Variants in PPP4R4 observed in about 807,000 individuals in gnomAD.
The protein encoded by PPP4R4 is serine/threonine-protein phosphatase 4 regulatory subunit 4.
Under a neutral mutation model 121.8 loss-of-function variants are expected in PPP4R4, and 70 were observed. The observed-to-expected ratio is 0.57, with a 90% CI of 0.47 to 0.70. The LOEUF is 0.70. PPP4R4 is among the 30% of genes least tolerant of loss of function. PPP4R4 has a pLI of 0.00. For missense variants in PPP4R4, 875 were observed against 1,033.6 expected, an observed-to-expected ratio of 0.85 and a Z score of 2.10; for synonymous variants, 348 against 355.7, an observed-to-expected ratio of 0.98 and a Z score of 0.24.
intron 2 of PPP4R4, among the ~76,000 whole-genome samples, chr14:94,186,366 T>G (rs949707454): frequency 6.6e-6 from 1 of 152,222 alleles, no homozygotes; most frequent in Non-Finnish European, 1.5e-5. Flanking sequence ...TACAGTCTAC[T>G]CTTTTGTCTG....
chr14:94,264,695 A>G (rs545431186), intron 19 of PPP4R4, among the ~76,000 whole-genome samples, 183 bp from the exon 20 acceptor site: 1 of 152,344 alleles, frequency 6.6e-6, no homozygotes, highest in Admixed American at 6.5e-5. Flanking sequence ...ATAATTCTGT[A>G]GATATGAAAA....
chr14:94,254,201 G>A (rs1384162319), intron 16 of PPP4R4, among the ~76,000 whole-genome samples: 1 of 152,188 alleles, frequency 6.6e-6, no homozygotes, highest in Non-Finnish European at 1.5e-5. Context: ...GATGGCTTGG[G>A]TAGCTTCTGC....
At position 94,246,413 on chromosome 14, in the gene PPP4R4, A is replaced by G; in HGVS notation, c.1485A>G (p.Ala495=). 1.9e-6 allele frequency: 3 copies of G among 1,614,118 alleles called. No individual in the cohort carries two copies. The highest frequency in any genetic ancestry group is 2.5e-6 in the Non-Finnish European group (3 of 1,179,980). Residue 495 remains alanine (A), a synonymous_variant, in exon 14 of 25, where the codon GCA becomes GCG. Transcript: ENST00000304338. ...PALTAAEQRA[A]ASLKWRTHEK... The stretch of plus-strand genomic sequence containing the variant: ...TCACAGCTGCTGAACAGCGAGCTGC[A>G]GCCTCTTTAAAATGGAGAACTCATG...
chr14:94,258,873 T>C (rs1367813022), intron 18 of PPP4R4, 49 bp downstream of exon 18: 4 of 1,474,918 alleles, frequency 2.7e-6, no homozygotes, highest in Admixed American at 1.8e-5. Flanking sequence ...TTCATGCTGC[T>C]GAAAAAGACA....
intron 3 of PPP4R4, among the ~76,000 whole-genome samples, chr14:94,212,683 C>T (rs879897231): frequency 6.6e-6 from 1 of 151,892 alleles, no homozygotes; most frequent in Non-Finnish European, 1.5e-5. Context: ...AATTCTTTTT[C>T]CACAGTATAT....
At chr14:94,255,827 C>G (rs893222666) in intron 16 of PPP4R4, among the ~76,000 whole-genome samples, 1 of 152,160 alleles carries the variant, frequency 6.6e-6, no homozygotes, top group Non-Finnish European at 1.5e-5. Context: ...GAAAACCTAC[C>G]AATGGCTTCT....
chr14:94,220,696 A>G (rs1891339154), intron 3 of PPP4R4, among the ~76,000 whole-genome samples: 1 of 152,230 alleles, frequency 6.6e-6, no homozygotes, highest in Non-Finnish European at 1.5e-5. Flanking sequence ...CATAAGATCT[A>G]TAAACTGAAA....
intron 2 of PPP4R4, among the ~76,000 whole-genome samples, chr14:94,206,081 C>A (rs375731773): frequency 4.6e-5 from 7 of 151,790 alleles, no homozygotes; most frequent in Admixed American, 2.0e-4. Flanking sequence ...TCCAGCTGCA[C>A]CTGTGTATTT....
chr14:94,184,170 T>G (rs866619302), intron 2 of PPP4R4, among the ~76,000 whole-genome samples: 2 of 152,292 alleles, frequency 1.3e-5, no homozygotes, highest in African/African-American at 4.8e-5. Context: ...TACTGCTTGG[T>G]TCCCAGTCTT....
chr14:94,174,571 C>T lies in PPP4R4; in HGVS notation c.106C>T (p.Arg36Trp). Residue 36 changes from arginine (R) to tryptophan (W), a missense_variant, in exon 1 of 25, where the codon CGG becomes TGG. Transcript: ENST00000304338. Reference sequence around the variant, plus strand: ...CACCATCATCGAGAGGCCGGTCCGCCGGAGCCTCAAGGTGCGCCCCGGGGA... The same window carrying T: ...CACCATCATCGAGAGGCCGGTCCGCTGGAGCCTCAAGGTGCGCCCCGGGGA... ...ELTIIERPVRRSLKTPEEIER... is the reference protein window; with the variant it reads ...ELTIIERPVRWSLKTPEEIER... 1 of 1,611,656 alleles carries T rather than the reference C, an allele frequency of 6.2e-7. No homozygotes were observed.
intron 3 of PPP4R4, among the ~76,000 whole-genome samples, chr14:94,216,529 A>T (rs80061650): frequency 1.3e-5 from 2 of 152,196 alleles, no homozygotes; most frequent in African/African-American, 4.8e-5. Flanking sequence ...GCTCTTTTCC[A>T]TACGTTTCCA....
At chr14:94,177,900 C>T (rs142116160) in intron 2 of PPP4R4, among the ~76,000 whole-genome samples, 14 of 152,296 alleles carry the variant, frequency 9.2e-5, no homozygotes, top group African/African-American at 3.4e-4. Flanking sequence ...TCAATATCTC[C>T]TTTAGTTTCT....
intron 3 of PPP4R4, among the ~76,000 whole-genome samples, chr14:94,221,832 A>C (rs540367109): frequency 6.6e-6 from 1 of 152,202 alleles, no homozygotes; most frequent in South Asian, 2.1e-4. Context: ...TATATTACTC[A>C]GCTATTTAAT....
rs1894579535 is a variant in PPP4R4 at position 94,275,394 on chromosome 14, A to G, written c.2470A>G (p.Asn824Asp). The G allele has an allele frequency of 6.2e-7, 1 of 1,613,954 alleles. No individual in the cohort carries two copies. The highest frequency in any genetic ancestry group is 8.5e-7 in the Non-Finnish European group (1 of 1,179,876). The change falls in exon 24 of 25, where the codon AAT becomes GAT. Residue 824 changes from asparagine (N) to aspartate (D), a missense_variant. Coordinates refer to ENST00000304338, the MANE Select transcript of PPP4R4 (RefSeq NM_058237.2). ...TTCAGATGATTCATTCCGGACTCGTAATGCCAGTAGCGTTCCATCTTCCTT... is the reference window on the plus strand; with the variant it reads ...TTCAGATGATTCATTCCGGACTCGTGATGCCAGTAGCGTTCCATCTTCCTT... The part of the protein sequence containing the change: ...SLADDSFRTR[N>D]ASSVPSSFSP...
intron 2 of PPP4R4, among the ~76,000 whole-genome samples, chr14:94,197,551 G>A (rs1889949184): frequency 6.6e-6 from 1 of 151,904 alleles, no homozygotes; most frequent in Admixed American, 6.6e-5. Context: ...ACTTTATTTT[G>A]CACCAGTTTA....
At chr14:94,257,080 G>A (rs1045298751) in intron 17 of PPP4R4, among the ~76,000 whole-genome samples, 5 of 152,054 alleles carry the variant, frequency 3.3e-5, no homozygotes, top group African/African-American at 1.2e-4. Flanking sequence ...TTAGTAAGTA[G>A]CAGAATCAGG....
At chr14:94,228,213 C>T (rs1311022735) in intron 3 of PPP4R4, among the ~76,000 whole-genome samples, 1 of 152,186 alleles carries the variant, frequency 6.6e-6, no homozygotes, top group Non-Finnish European at 1.5e-5. Context: ...GCCAGATCTC[C>T]CACACCGCCA....
At chr14:94,178,062 C>T (rs1210607451) in intron 2 of PPP4R4, among the ~76,000 whole-genome samples, 1 of 152,150 alleles carries the variant, frequency 6.6e-6, no homozygotes. Context: ...CTTAGTCCAG[C>T]TTTGGGAGGG....
chr14:94,275,508 CG>C lies in PPP4R4; in HGVS notation c.2586del (p.Lys863ArgfsTer4). On this transcript the variant is annotated frameshift_variant, in exon 24 of 25. Coordinates refer to ENST00000304338, the MANE Select transcript of PPP4R4 (RefSeq NM_058237.2). LOFTEE classifies it high-confidence loss of function. ...KSSGSKDTQP[R>X]KATLKSRKSN... ...CAGTGGAAGTAAAGATACACAACCACGGAAGGCTACCTTGTAAGTAATCAAG... is the reference window on the plus strand; with the variant it reads ...CAGTGGAAGTAAAGATACACAACCACGAAGGCTACCTTGTAAGTAATCAAG... 1 of 1,614,034 alleles carries C rather than the reference CG, an allele frequency of 6.2e-7. No homozygotes were observed. The highest frequency in any genetic ancestry group is 8.5e-7 in the Non-Finnish European group (1 of 1,179,946).
Sources: allele counts gnomAD v4.1 joint callset (sites outside exome capture counted in the v4.1 genomes callset), GRCh38; gene constraint gnomAD v4.1.1; transcripts MANE v1.5; gene names NCBI Gene and HGNC (gene_info 2026-07-23, HGNC 2026-07-21).